Variants in GRIK1 observed in about 807,000 individuals in gnomAD.
The protein encoded by GRIK1 is glutamate receptor ionotropic, kainate 1.
In GRIK1, 69 loss-of-function variants were observed where a neutral mutation model predicts 105.7. The ratio of observed to expected loss-of-function variants is 0.65; its 90% CI spans 0.54 to 0.80. The LOEUF (loss-of-function observed/expected upper bound fraction) is 0.80. GRIK1 is among the 30% of genes least tolerant of loss of function. The pLI, the probability that GRIK1 is intolerant of heterozygous loss-of-function variation, is 0.00. For synonymous variants in GRIK1, 438 were observed against 431.3 expected, an observed-to-expected ratio of 1.02 and a Z score of -0.19; for missense variants, 1,109 against 1,167.3, an observed-to-expected ratio of 0.95 and a Z score of 0.73.
intron 1 of GRIK1, among the ~76,000 whole-genome samples, chr21:29,881,582 C>A (rs2069410078): frequency 6.6e-6 from 1 of 152,032 alleles, no homozygotes; most frequent in Admixed American, 6.6e-5. Context: ...CTTACTGGGT[C>A]CCTCATTTTA....
intron 4 of GRIK1, among the ~76,000 whole-genome samples, chr21:29,665,463 A>T (rs2063041833): frequency 6.6e-6 from 1 of 152,236 alleles, no homozygotes; most frequent in South Asian, 2.1e-4. Context: ...ATTGAGATTC[A>T]TCATCATTAC....
chr21:29,813,054 A>G (rs2067055490), intron 1 of GRIK1, among the ~76,000 whole-genome samples: 1 of 152,104 alleles, frequency 6.6e-6, no homozygotes, highest in African/African-American at 2.4e-5. Context: ...GACATCTGCA[A>G]CAACCTTGGG....
At chr21:29,605,905 G>T (rs571963922) in intron 7 of GRIK1, among the ~76,000 whole-genome samples, 19 of 151,858 alleles carry the variant, frequency 1.3e-4, no homozygotes, top group African/African-American at 3.1e-4. Flanking sequence ...TGTATGGAAG[G>T]CTCATGGCAA....
At chr21:29,887,574 A>G (rs766014890) in intron 1 of GRIK1, among the ~76,000 whole-genome samples, 3 of 152,134 alleles carry the variant, frequency 2.0e-5, no homozygotes, top group Non-Finnish European at 4.4e-5. Flanking sequence ...CATAACCACC[A>G]GGTGTCTTGT....
At chr21:29,630,671 A>G (rs1303596470) in intron 7 of GRIK1, 1 of 445,584 alleles carries the variant, frequency 2.2e-6, no homozygotes, top group Non-Finnish European at 4.6e-6. Flanking sequence ...GTGGACCCTG[A>G]GCAGAGAACA....
In GRIK1 at chr21:29,537,825, T is replaced by C. The variant is rs1365986948; in HGVS notation, c.2667A>G (p.Arg889=). 1 of 1,529,804 alleles carries C rather than the reference T, an allele frequency of 6.5e-7. No individual in the cohort carries two copies. The highest frequency in any genetic ancestry group is 1.7e-5 in the Admixed American group (1 of 59,804). 94.8% of individuals were successfully genotyped at this position (1,529,804 alleles called of 1,614,324 possible). A position where few individuals can be genotyped will look rare whatever the true frequency, so the allele number is the denominator to read the frequency against. The change falls in exon 17 of 18, where the codon AGA becomes AGG. Residue 889 remains arginine, a synonymous_variant. Transcript: ENST00000327783. ...TCTCTACACCAAGGCTTTGTTTTTT[T>C]CTCCCATGAAACCTTACTTTGTTCC... The part of the protein sequence containing the change: ...YFRNKVRFHG[R]KKQSLGVEKC...
intron 1 of GRIK1, among the ~76,000 whole-genome samples, chr21:29,695,143 T>C (rs141814163): frequency 2.6e-5 from 4 of 152,306 alleles, no homozygotes; most frequent in African/African-American, 9.6e-5. Context: ...TACAAAATGT[T>C]AGTGCTTAAA....
chr21:29,557,464 T>A (rs1658170865), intron 15 of GRIK1, among the ~76,000 whole-genome samples: 1 of 152,218 alleles, frequency 6.6e-6, no homozygotes, highest in Non-Finnish European at 1.5e-5. Flanking sequence ...TTCAGTGTTG[T>A]TTTCACGACA....
chr21:29,676,276 T>G (rs1303741630), intron 3 of GRIK1, among the ~76,000 whole-genome samples: 1 of 152,164 alleles, frequency 6.6e-6, no homozygotes, highest in African/African-American at 2.4e-5. Context: ...ATTTAAAGAT[T>G]AGGGATGGAA....
At chr21:29,555,741 G>A (rs1282964698) in intron 15 of GRIK1, among the ~76,000 whole-genome samples, 1 of 152,178 alleles carries the variant, frequency 6.6e-6, no homozygotes, top group Non-Finnish European at 1.5e-5. Context: ...TACCGGAATG[G>A]GAGGTCAGAC....
In GRIK1 at chr21:29,577,213, A is replaced by T. The variant is rs779270194; in HGVS notation, c.1913-32T>A. 3.3e-6 allele frequency: 4 copies of T among 1,224,856 alleles called. No homozygotes were observed. The Admixed American group carries it at 5.0e-5, about 15-fold the overall frequency. 75.9% of individuals were successfully genotyped at this position (1,224,856 alleles called of 1,614,324 possible). A position where few individuals can be genotyped will look rare whatever the true frequency, so the allele number is the denominator to read the frequency against. On this transcript the variant is annotated intron_variant, in intron 13 of 17. Transcript: ENST00000327783. ...TGGTATCATCAGAGTAAGGGTGTTA[A>T]ACACAGTCAGAAGGAAAGGGAAGAT...
intron 13 of GRIK1, among the ~76,000 whole-genome samples, chr21:29,578,137 C>T (rs570046251): frequency 2.5e-4 from 38 of 152,180 alleles, no homozygotes; most frequent in Non-Finnish European, 5.3e-4. Context: ...TACTGATTCA[C>T]AAGTGGATTT....
chr21:29,793,233 A>C (rs1345581617), intron 1 of GRIK1, among the ~76,000 whole-genome samples: 1 of 152,232 alleles, frequency 6.6e-6, no homozygotes, highest in Admixed American at 6.5e-5. Flanking sequence ...TAACATGAAC[A>C]TGAGGCTATT....
intron 14 of GRIK1, among the ~76,000 whole-genome samples, chr21:29,564,164 T>C (rs1320523322): frequency 2.0e-5 from 3 of 152,176 alleles, no homozygotes; most frequent in Non-Finnish European, 4.4e-5. Flanking sequence ...TTTATTTTTT[T>C]TGAGACGGAG....
chr21:29,616,101 CG>C (rs1840155432), intron 7 of GRIK1, among the ~76,000 whole-genome samples: 1 of 152,162 alleles, frequency 6.6e-6, no homozygotes, highest in Admixed American at 6.5e-5. Context: ...ACTGCACTTT[CG>C]AAAGTTAAAT....
intron 7 of GRIK1, among the ~76,000 whole-genome samples, chr21:29,609,208 C>T (rs1473152943): frequency 1.3e-5 from 2 of 151,678 alleles, no homozygotes; most frequent in East Asian, 1.9e-4. Context: ...TAAAAAGATT[C>T]ATTCTCTTCC....
chr21:29,578,449 C>T (rs1029428904), intron 13 of GRIK1, among the ~76,000 whole-genome samples: 1 of 152,156 alleles, frequency 6.6e-6, no homozygotes, highest in African/African-American at 2.4e-5. Context: ...TAAACAGATG[C>T]AAATACGGCT....
chr21:29,556,373 C>T (rs1012010899), intron 15 of GRIK1, among the ~76,000 whole-genome samples: 1 of 152,154 alleles, frequency 6.6e-6, no homozygotes, highest in Non-Finnish European at 1.5e-5. Flanking sequence ...TTCCAGCCTA[C>T]GGGATGACCA....
Position 29,733,813 on chromosome 21 carries a change from G to A in GRIK1, c.119-39750C>T, listed in dbSNP as rs567240718. Among the ~76,000 whole-genome samples, 3 of 152,148 alleles carry A rather than the reference G, an allele frequency of 2.0e-5. No homozygotes were observed. In the East Asian group the frequency reaches 5.8e-4, roughly 29 times the overall value. On this transcript the variant is annotated intron_variant, in intron 1 of 17. Coordinates refer to ENST00000327783, the MANE Select transcript of GRIK1 (RefSeq NM_001330994.2). Reference sequence around the variant, plus strand: ...GCCAGTTACCATTTACTAACATAATGTCACTCAGTGCAGTTAAAAGAGATG... The same window carrying A: ...GCCAGTTACCATTTACTAACATAATATCACTCAGTGCAGTTAAAAGAGATG...
Sources: allele counts gnomAD v4.1 joint callset (sites outside exome capture counted in the v4.1 genomes callset), GRCh38; gene constraint gnomAD v4.1.1; transcripts MANE v1.5; gene names NCBI Gene and HGNC (gene_info 2026-07-23, HGNC 2026-07-21).